MAML3: variants seen among roughly 807,000 people sequenced by gnomAD.
The protein encoded by MAML3 is mastermind like transcriptional coactivator 3, also known as mastermind-like protein 3.
In MAML3, 27 loss-of-function variants were observed where a neutral mutation model predicts 101.9. The ratio of observed to expected loss-of-function variants is 0.27; its 90% CI spans 0.20 to 0.37. The LOEUF (loss-of-function observed/expected upper bound fraction) is 0.37, where lower values mean the gene tolerates loss of function less well. MAML3 is among the 10% of genes least tolerant of loss of function. The pLI is 1.00. For missense variants in MAML3, 1,316 were observed against 1,444.9 expected (o/e 0.91, Z 1.45); for synonymous variants, 501 against 555.9 (o/e 0.90, Z 1.39).
intron 2 of MAML3, among the ~76,000 whole-genome samples, chr4:139,751,290 TA>T: frequency 6.6e-6 from 1 of 152,228 alleles, no homozygotes; most frequent in East Asian, 1.9e-4. Flanking sequence ...TTATCCAAAA[TA>T]TTTGGGATCA....
intron 1 of MAML3, among the ~76,000 whole-genome samples, chr4:140,151,770 AGATAAGAGAAAG>A (rs370983134): frequency 1.8e-3 from 266 of 149,824 alleles, no homozygotes; most frequent in African/African-American, 6.1e-3. Flanking sequence ...CGGAGAGGGG[AGATAAGAGAAAG>A]GATTCTAGCC....
At chr4:139,883,602 A>AC (rs1418124288) in intron 2 of MAML3, among the ~76,000 whole-genome samples, 1 of 152,036 alleles carries the variant, frequency 6.6e-6, no homozygotes, top group Admixed American at 6.6e-5. Flanking sequence ...AAGTAGCTGC[A>AC]CCCCCCATCT....
At chr4:140,114,784 T>G (rs915855022) in intron 1 of MAML3, among the ~76,000 whole-genome samples, 11 of 152,252 alleles carry the variant, frequency 7.2e-5, no homozygotes, top group Non-Finnish European at 1.6e-4. Context: ...CCAGAACTTA[T>G]ATCTGTGAAT....
chr4:140,101,438 T>C (rs1728250800), intron 1 of MAML3, among the ~76,000 whole-genome samples: 1 of 152,186 alleles, frequency 6.6e-6, no homozygotes, highest in Non-Finnish European at 1.5e-5. Flanking sequence ...TAATGTATAA[T>C]ACACATTTCT....
At chr4:139,959,909 T>C (rs1733981097) in intron 1 of MAML3, among the ~76,000 whole-genome samples, 1 of 152,156 alleles carries the variant, frequency 6.6e-6, no homozygotes, top group South Asian at 2.1e-4. Flanking sequence ...TAACAATGAA[T>C]TCATTAATTA....
intron 2 of MAML3, among the ~76,000 whole-genome samples, chr4:139,739,520 G>GT (rs1729079356): frequency 6.6e-6 from 1 of 152,054 alleles, no homozygotes; most frequent in African/African-American, 2.4e-5. Context: ...TTGGTTAAAA[G>GT]TTCATTAGTG....
rs898719562 is a variant in MAML3 at position 139,742,233 on chromosome 4, C to T, written c.2080-11566G>A. 3.3e-5 allele frequency among the ~76,000 whole-genome samples: 5 copies of T among 151,952 alleles called. No individual in the cohort carries two copies. In the South Asian group the frequency reaches 8.3e-4, roughly 25 times the overall value. On this transcript the variant is annotated intron_variant, in intron 2 of 4. Coordinates refer to ENST00000509479, the MANE Select transcript of MAML3 (RefSeq NM_018717.5). Reference sequence around the variant, plus strand: ...GCACAATCTCGGCTCACTGCAACCTCCGCCTCCCGGGCTCAAGCAATTCTT... The same window carrying T: ...GCACAATCTCGGCTCACTGCAACCTTCGCCTCCCGGGCTCAAGCAATTCTT...
intron 1 of MAML3, among the ~76,000 whole-genome samples, chr4:139,899,865 G>A (rs897951741): frequency 6.6e-6 from 1 of 152,188 alleles, no homozygotes; most frequent in African/African-American, 2.4e-5. Flanking sequence ...GACCATCCCA[G>A]AATGCGGCTT....
chr4:139,799,079 T>C (rs531538129), intron 2 of MAML3, among the ~76,000 whole-genome samples: 88 of 152,344 alleles, frequency 5.8e-4, no homozygotes, highest in Middle Eastern at 3.4e-3. Flanking sequence ...AGCTTGCTTC[T>C]CTGTTCCATG....
intron 1 of MAML3, among the ~76,000 whole-genome samples, chr4:140,053,824 A>C (rs528068438): frequency 1.3e-5 from 2 of 152,326 alleles, no homozygotes; most frequent in East Asian, 3.9e-4. Context: ...ACATGCCATG[A>C]AACATTACCA....
chr4:140,076,275 G>A (rs942476783), intron 1 of MAML3, among the ~76,000 whole-genome samples: 1 of 151,928 alleles, frequency 6.6e-6, no homozygotes, highest in African/African-American at 2.4e-5. Flanking sequence ...GATATTATGG[G>A]GACTAAGGAT....
chr4:139,742,143 T>C (rs1371887489), intron 2 of MAML3, among the ~76,000 whole-genome samples: 1 of 88,582 alleles, frequency 1.1e-5, no homozygotes, highest in African/African-American at 4.6e-5. Flanking sequence ...ACTTTTCTTT[T>C]CTTTTCTTTT....
intron 1 of MAML3, among the ~76,000 whole-genome samples, chr4:140,038,101 T>C (rs1399488380): frequency 6.6e-6 from 1 of 152,256 alleles, no homozygotes; most frequent in East Asian, 1.9e-4. Context: ...GATCACAGGA[T>C]ACTTCAGAAA....
intron 2 of MAML3, among the ~76,000 whole-genome samples, chr4:139,842,840 G>A (rs183928400): frequency 1.8e-3 from 227 of 124,798 alleles, no homozygotes; most frequent in Admixed American, 4.6e-3. Context: ...GTGCAGTGGC[G>A]CCATCTCGGC....
intron 1 of MAML3, among the ~76,000 whole-genome samples, chr4:140,122,239 T>TTAA (rs1385083507): frequency 6.7e-6 from 1 of 150,150 alleles, no homozygotes; most frequent in African/African-American, 2.5e-5. Context: ...TTTTTTTTTT[T>TTAA]AAACAGAGTT....
chr4:139,720,594 A>G (rs1174101923), intron 4 of MAML3, among the ~76,000 whole-genome samples: 2 of 152,258 alleles, frequency 1.3e-5, no homozygotes, highest in African/African-American at 4.8e-5. Flanking sequence ...TTTTATTTGT[A>G]TATAAATAGA....
intron 1 of MAML3, among the ~76,000 whole-genome samples, chr4:140,046,812 G>A (rs1389488324): frequency 6.6e-6 from 1 of 152,058 alleles, no homozygotes; most frequent in South Asian, 2.1e-4. Flanking sequence ...GGGTAGGGGG[G>A]ACTGTACTGA....
intron 1 of MAML3, among the ~76,000 whole-genome samples, chr4:139,941,037 T>A (rs1733587331): frequency 6.6e-6 from 1 of 152,238 alleles, no homozygotes; most frequent in South Asian, 2.1e-4. Flanking sequence ...AATCATAAAT[T>A]AAAATGTTCA....
intron 1 of MAML3, among the ~76,000 whole-genome samples, chr4:140,080,603 C>A (rs926544930): frequency 6.6e-6 from 1 of 152,070 alleles, no homozygotes; most frequent in African/African-American, 2.4e-5. Flanking sequence ...GTTTGCAGAG[C>A]ACCTCTAAAA....
Sources: allele counts gnomAD v4.1 joint callset (sites outside exome capture counted in the v4.1 genomes callset), GRCh38; gene constraint gnomAD v4.1.1; transcripts MANE v1.5; gene names NCBI Gene and HGNC (gene_info 2026-07-23, HGNC 2026-07-21).